Variants in HS2ST1 observed in about 807,000 individuals in gnomAD.
The protein encoded by HS2ST1 is 2-O-sulfotransferase.
HS2ST1 carries 18 observed loss-of-function variants against 42.9 expected under a neutral mutation model. That is an observed-to-expected ratio of 0.42 (90% CI 0.29 to 0.62). The LOEUF (loss-of-function observed/expected upper bound fraction) is 0.62, where lower values mean the gene tolerates loss of function less well. HS2ST1 is among the 20% of genes least tolerant of loss of function. HS2ST1 has a pLI of 0.21. For missense variants in HS2ST1, 334 were observed against 433.8 expected, an observed-to-expected ratio of 0.77 and a Z score of 2.04; for synonymous variants, 146 against 152.9, an observed-to-expected ratio of 0.95 and a Z score of 0.33.
At chr1:87,046,109 G>A in intron 1 of HS2ST1, 2 of 679,004 alleles carry the variant, frequency 2.9e-6, no homozygotes, top group South Asian at 1.4e-5. Flanking sequence ...ATTTTTGACA[G>A]TTTATATTGG....
At chr1:87,050,629 A>G (rs1650806128) in intron 1 of HS2ST1, among the ~76,000 whole-genome samples, 1 of 152,050 alleles carries the variant, frequency 6.6e-6, no homozygotes. Flanking sequence ...ATTTTAGACT[A>G]CTTGCTCTTA....
chr1:86,954,839 C>T (rs1647630912), intron 1 of HS2ST1, among the ~76,000 whole-genome samples: 1 of 152,146 alleles, frequency 6.6e-6, no homozygotes, highest in Admixed American at 6.5e-5. Flanking sequence ...ATGATAGGAA[C>T]ATTAGAGTAC....
In HS2ST1 at chr1:87,103,469, T is replaced by G. The variant is rs1180498804; in HGVS notation, c.724T>G (p.Tyr242Asp). 1 of 1,612,498 alleles carries G rather than the reference T, an allele frequency of 6.2e-7. No individual in the cohort carries two copies. The highest frequency in any genetic ancestry group is 8.5e-7 in the Non-Finnish European group (1 of 1,179,442). The change falls in exon 6 of 7, where the codon TAT becomes GAT. Residue 242 changes from tyrosine to aspartate, a missense_variant. Physicochemically the swap from Tyr to Asp is radical, Grantham distance 160. Transcript: ENST00000370550. ...GSRWAMDQAK[Y>D]NLINEYFLVG... The stretch of plus-strand genomic sequence containing the variant: ...CAGGTGGGCTATGGATCAAGCCAAG[T>G]ATAACCTAATTAATGAATATTTTCT...
intron 3 of HS2ST1, among the ~76,000 whole-genome samples, chr1:87,086,474 C>T (rs1389276342): frequency 1.3e-5 from 2 of 152,130 alleles, no homozygotes; most frequent in Non-Finnish European, 1.5e-5. Flanking sequence ...CAGTAAAATA[C>T]TTGCTTTCAG....
chr1:87,075,398 C>T (rs980517966), intron 2 of HS2ST1, among the ~76,000 whole-genome samples: 2 of 152,042 alleles, frequency 1.3e-5, no homozygotes, highest in African/African-American at 4.8e-5. Flanking sequence ...AACTCCTGAC[C>T]TCAGGTGATC....
chr1:87,019,726 A>G (rs975701898), intron 1 of HS2ST1, among the ~76,000 whole-genome samples: 6 of 152,226 alleles, frequency 3.9e-5, no homozygotes, highest in Admixed American at 6.5e-5. Context: ...CCAGATTGCA[A>G]TGTGATAGAA....
At chr1:87,048,747 T>G (rs973945669) in intron 1 of HS2ST1, among the ~76,000 whole-genome samples, 2 of 152,158 alleles carry the variant, frequency 1.3e-5, no homozygotes, top group African/African-American at 4.8e-5. Context: ...GATGAATACG[T>G]GGTCTTTAGC....
intron 1 of HS2ST1, among the ~76,000 whole-genome samples, chr1:86,991,938 G>A (rs1001819519): frequency 2.6e-5 from 4 of 152,066 alleles, no homozygotes; most frequent in Admixed American, 1.3e-4. Flanking sequence ...CAACCCCAGC[G>A]CCACGGACTG....
chr1:87,013,037 T>A (rs1649648823), intron 1 of HS2ST1, among the ~76,000 whole-genome samples: 1 of 152,218 alleles, frequency 6.6e-6, no homozygotes, highest in Non-Finnish European at 1.5e-5. Flanking sequence ...GTTCATGGGC[T>A]AGCTTTGAGC....
In HS2ST1 at chr1:87,090,161, ACT is replaced by A. The variant is rs1263939799; in HGVS notation, c.450-2365_450-2364del. Among the ~76,000 whole-genome samples, 3 of 151,904 alleles carry A rather than the reference ACT, an allele frequency of 2.0e-5. No homozygotes were observed. The East Asian group carries it at 5.8e-4, about 29-fold the overall frequency. On this transcript the variant is annotated intron_variant, in intron 3 of 6. Coordinates refer to ENST00000370550, the MANE Select transcript of HS2ST1 (RefSeq NM_012262.4). ...TCCTTACTTTCTTACTACTCAGTGT[ACT>A]CTCTGGCAGGAAGGCTTTTGTTAGT... is the stretch of plus-strand genomic sequence containing the variant.
At chr1:87,004,437 T>C (rs886802341) in intron 1 of HS2ST1, among the ~76,000 whole-genome samples, 1 of 152,126 alleles carries the variant, frequency 6.6e-6, no homozygotes, top group Non-Finnish European at 1.5e-5. Flanking sequence ...TCTCAATCAC[T>C]ATGTAGTTTG....
intron 1 of HS2ST1, among the ~76,000 whole-genome samples, chr1:86,918,259 A>G (rs1660207344): frequency 1.3e-5 from 2 of 152,236 alleles, no homozygotes; most frequent in South Asian, 4.1e-4. Context: ...TATTTTTTAA[A>G]AAACAAATAT....
intron 1 of HS2ST1, among the ~76,000 whole-genome samples, chr1:87,057,647 C>G (rs540508622): frequency 6.6e-6 from 1 of 150,718 alleles, no homozygotes; most frequent in Non-Finnish European, 1.5e-5. Context: ...GTCAGGAGAT[C>G]GAAACCATCC....
intron 4 of HS2ST1, among the ~76,000 whole-genome samples, chr1:87,095,220 G>A (rs1170721194): frequency 6.6e-6 from 1 of 152,104 alleles, no homozygotes; most frequent in Non-Finnish European, 1.5e-5. Flanking sequence ...GTTTTAGAAA[G>A]ATATTGGGTG....
intron 2 of HS2ST1, among the ~76,000 whole-genome samples, chr1:87,074,838 G>A (rs1337980974): frequency 6.6e-6 from 1 of 152,120 alleles, no homozygotes; most frequent in Non-Finnish European, 1.5e-5. Context: ...TTATCAGCTG[G>A]TAGTCCAAAA....
intron 5 of HS2ST1, among the ~76,000 whole-genome samples, chr1:87,100,455 C>G (rs751387247): frequency 9.2e-5 from 14 of 152,270 alleles, no homozygotes; most frequent in South Asian, 8.3e-4. Flanking sequence ...ATTCTTCCCC[C>G]CAAGGCTTCT....
chr1:87,095,350 G>A (rs978660240), intron 4 of HS2ST1, among the ~76,000 whole-genome samples: 4 of 152,068 alleles, frequency 2.6e-5, no homozygotes, highest in African/African-American at 7.2e-5. Flanking sequence ...GATATTTTGA[G>A]GTGTATTAAA....
At chr1:87,023,401 T>A (rs1283350566) in intron 1 of HS2ST1, among the ~76,000 whole-genome samples, 1 of 151,756 alleles carries the variant, frequency 6.6e-6, no homozygotes, top group African/African-American at 2.4e-5. Flanking sequence ...TTCTGAGAAT[T>A]ACCGTGCTGC....
intron 1 of HS2ST1, among the ~76,000 whole-genome samples, chr1:86,941,793 A>C (rs1426152196): frequency 6.6e-6 from 1 of 152,014 alleles, no homozygotes; most frequent in Non-Finnish European, 1.5e-5. Flanking sequence ...AAAACAAAAA[A>C]ACTACAGCTA....
Sources: gnomAD v4.1 joint callset for allele counts (sites outside exome capture counted in the v4.1 genomes callset) on GRCh38, gnomAD v4.1.1 for gene constraint, MANE v1.5 for transcripts, NCBI Gene and HGNC (gene_info 2026-07-23, HGNC 2026-07-21) for gene names.